The following FAM98B variants were observed in gnomAD, a reference collection of about 807,000 sequenced individuals.
The protein encoded by FAM98B is tRNA splicing ligase complex subunit 3B, also known as tRNA-splicing ligase complex subunit FAM98B.
A neutral mutation model predicts 43.9 loss-of-function variants in FAM98B; 32 were observed. The ratio of observed to expected loss-of-function variants is 0.73; its 90% CI spans 0.55 to 0.98. FAM98B has a LOEUF of 0.98. FAM98B is among the 50% of genes least tolerant of loss of function. The probability of loss-of-function intolerance (pLI) is 0.00; values close to 1 mark genes in which losing one functional copy is unlikely to be tolerated. For synonymous variants in FAM98B, 190 were observed against 174.0 expected (o/e 1.09, Z -0.72); for missense variants, 514 against 522.9 (o/e 0.98, Z 0.17).
chr15:38,470,372 C>T lies in FAM98B; in HGVS notation c.498C>T (p.Asp166=). ...TLGIPKSTTS[D]IPHMLNQVES... is the part of the protein sequence containing the mutation. ...GTATACCCAAGTCAACAACTTCTGA[C>T]ATTCCGCATATGCTAAACCAAGTGG... Residue 166 remains aspartate (D), a synonymous_variant, in exon 4 of 8, where the codon GAC becomes GAT. Coordinates refer to ENST00000397609, the MANE Select transcript of FAM98B (RefSeq NM_173611.4). 3 of 1,601,578 alleles carry T rather than the reference C, an allele frequency of 1.9e-6. No individual in the cohort carries two copies. The highest frequency in any genetic ancestry group is 2.5e-6 in the Non-Finnish European group (3 of 1,176,768).
At chr15:38,454,306 T>C (rs897349623) in intron 1 of FAM98B, 74 bp downstream of exon 1, 7 of 1,495,454 alleles carry the variant, frequency 4.7e-6, no homozygotes, top group Non-Finnish European at 6.4e-6. Context: ...CCTACTTCCC[T>C]TGGGCCTCTG....
intron 3 of FAM98B, among the ~76,000 whole-genome samples, chr15:38,467,878 T>C (rs1890062700): frequency 6.6e-6 from 1 of 152,178 alleles, no homozygotes; most frequent in Admixed American, 6.5e-5. Context: ...TGTTGGTAAA[T>C]ACAAAATAAA....
chr15:38,482,462 A>G (rs1017512172), intron 7 of FAM98B: 3 of 152,204 alleles, frequency 2.0e-5, no homozygotes, highest in Non-Finnish European at 4.4e-5. Context: ...TGGCATCTCC[A>G]TATGCCCACC....
intron 3 of FAM98B, among the ~76,000 whole-genome samples, 178 bp from the exon 4 acceptor site, chr15:38,470,049 G>T (rs1890099352): frequency 6.6e-6 from 1 of 152,062 alleles, no homozygotes; most frequent in South Asian, 2.1e-4. Flanking sequence ...ACTTGCTATG[G>T]ACTAGGGAAT....
chr15:38,474,192 A>G lies in FAM98B; in HGVS notation c.623A>G (p.Glu208Gly). The G allele has an allele frequency of 6.2e-7, 1 of 1,612,890 alleles. No homozygotes were observed. Among genetic ancestry groups the G allele is most frequent in the Non-Finnish European group, 8.5e-7 (1 of 1,179,280 alleles). ...DLNSEQAEQL[E>G]RINDALSCEY... ...TTCCAAATTTTTTAGGAACAACTGG[A>G]AAGAATCAATGATGCTCTTTCCTGT... is the stretch of plus-strand genomic sequence containing the variant. Residue 208 changes from glutamate (E) to glycine (G), a missense_variant, in exon 6 of 8, where the codon GAA becomes GGA. Transcript: ENST00000397609.
Position 38,484,764 on chromosome 15 carries a change from A to G in FAM98B, c.*105A>G, listed in dbSNP as rs1595806487. 7 of 1,445,984 alleles carry G rather than the reference A, an allele frequency of 4.8e-6. No homozygotes were observed. In the East Asian group the frequency reaches 1.7e-4, roughly 35 times the overall value. 89.6% of individuals were successfully genotyped at this position (1,445,984 alleles called of 1,614,324 possible). On this transcript the variant is annotated 3_prime_UTR_variant, in exon 8 of 8. Transcript: ENST00000397609. The stretch of plus-strand genomic sequence containing the variant: ...TCATCTTTGAAGTAAACACCATGTT[A>G]GACTCCCTGGTGATACCACTCTTGA...
chr15:38,480,894 ATACT>A (rs1890272494), intron 6 of FAM98B, among the ~76,000 whole-genome samples: 1 of 148,668 alleles, frequency 6.7e-6, no homozygotes. Context: ...ACTGACAATA[ATACT>A]TAATGTTCCC....
intron 6 of FAM98B, among the ~76,000 whole-genome samples, chr15:38,479,256 C>T (rs1455571548): frequency 2.0e-5 from 3 of 152,216 alleles, no homozygotes; most frequent in African/African-American, 7.2e-5. Flanking sequence ...GAATGAGCCA[C>T]TGTGCCTGGC....
intron 6 of FAM98B, among the ~76,000 whole-genome samples, chr15:38,480,092 A>G (rs1440021239): frequency 1.3e-5 from 2 of 151,898 alleles, no homozygotes; most frequent in Non-Finnish European, 2.9e-5. Context: ...TGGTTGAATT[A>G]TTTGTTGAAA....
rs1049118357 is a variant in FAM98B, at chr15:38,472,794, T to TA, written c.532-703dup. On this transcript the variant is annotated intron_variant, in intron 4 of 7. Coordinates refer to ENST00000397609, the MANE Select transcript of FAM98B (RefSeq NM_173611.4). ...TTGGTTGTTTCCTTTGGTTACCTTG[T>TA]AAAAAAAACTGTATTTCATTTGGTT... 7.2e-5 allele frequency among the ~76,000 whole-genome samples: 11 copies of TA among 151,960 alleles called. No homozygotes were observed. In the East Asian group the frequency reaches 1.4e-3, roughly 19 times the overall value.
At chr15:38,480,149 T>C (rs1356139385) in intron 6 of FAM98B, among the ~76,000 whole-genome samples, 1 of 152,172 alleles carries the variant, frequency 6.6e-6, no homozygotes, top group Non-Finnish European at 1.5e-5. Flanking sequence ...TCTTTTAAAG[T>C]ACAGAAATTT....
chr15:38,461,426 A>C (rs958963317), intron 1 of FAM98B, among the ~76,000 whole-genome samples: 3 of 152,172 alleles, frequency 2.0e-5, no homozygotes, highest in Non-Finnish European at 4.4e-5. Flanking sequence ...AACAAGACCT[A>C]TGTTAATGAT....
intron 1 of FAM98B, among the ~76,000 whole-genome samples, chr15:38,461,152 C>T (rs892341078): frequency 6.6e-5 from 10 of 151,798 alleles, no homozygotes; most frequent in Admixed American, 3.9e-4. Context: ...AAAAAACTTA[C>T]ATCAATATGA....
chr15:38,455,143 A>G (rs960916094), intron 1 of FAM98B, among the ~76,000 whole-genome samples: 1 of 152,176 alleles, frequency 6.6e-6, no homozygotes, highest in Admixed American at 6.5e-5. Context: ...TTATTCACCG[A>G]TGTTTTCCCA....
Position 38,458,920 on chromosome 15 carries a change from G to A in FAM98B, c.71+4688G>A, listed in dbSNP as rs78838441. 3.4e-4 allele frequency: 146 copies of A among 434,220 alleles called. No individual in the cohort carries two copies. In the East Asian group the frequency reaches 8.7e-3, roughly 26 times the overall value. The allele number at this position is 434,220 out of a possible 1,614,324, so 26.9% of individuals were successfully genotyped here. ...AAGAAGCAGACAAGTTGTCCAGGATGAGGGTTTTCCTCAGGTTCCTCCCCA... is the reference window on the plus strand; with the variant it reads ...AAGAAGCAGACAAGTTGTCCAGGATAAGGGTTTTCCTCAGGTTCCTCCCCA... On this transcript the variant is annotated intron_variant, in intron 1 of 7. Transcript: ENST00000397609.
At chr15:38,460,240 G>T (rs1166547974) in intron 1 of FAM98B, among the ~76,000 whole-genome samples, 2 of 152,190 alleles carry the variant, frequency 1.3e-5, no homozygotes, top group African/African-American at 4.8e-5. Flanking sequence ...CAAACTAGGA[G>T]CATGGTTATT....
chr15:38,475,060 G>A (rs1890177303), intron 6 of FAM98B, among the ~76,000 whole-genome samples: 1 of 149,238 alleles, frequency 6.7e-6, no homozygotes, highest in Non-Finnish European at 1.5e-5. Flanking sequence ...GGAATTTCAG[G>A]TATTATTATT....
At chr15:38,479,988 T>G (rs1335139519) in intron 6 of FAM98B, among the ~76,000 whole-genome samples, 5 of 152,180 alleles carry the variant, frequency 3.3e-5, no homozygotes, top group African/African-American at 1.2e-4. Flanking sequence ...GAATTTCCTC[T>G]TTTTAACTTC....
intron 3 of FAM98B, among the ~76,000 whole-genome samples, chr15:38,468,188 T>C (rs754603997): frequency 6.6e-6 from 1 of 152,230 alleles, no homozygotes; most frequent in Non-Finnish European, 1.5e-5. Context: ...CAAGGTTCTG[T>C]CTAAAATATA....
Sources: allele counts gnomAD v4.1 joint callset (sites outside exome capture counted in the v4.1 genomes callset), GRCh38; gene constraint gnomAD v4.1.1; transcripts MANE v1.5; gene names NCBI Gene and HGNC (gene_info 2026-07-23, HGNC 2026-07-21).